The following TRIM35 variants were observed in gnomAD, a reference collection of about 807,000 sequenced individuals.
The protein encoded by TRIM35 is tripartite motif containing 35.
In TRIM35, 37 loss-of-function variants were observed where a neutral mutation model predicts 49.1. The ratio of observed to expected loss-of-function variants is 0.75; its 90% CI spans 0.58 to 0.99. The LOEUF is 0.99. Ranked by LOEUF, TRIM35 falls within the 50% of genes least tolerant of loss-of-function variation. The pLI, the probability that TRIM35 is intolerant of heterozygous loss-of-function variation, is 0.00. For synonymous variants in TRIM35, 302 were observed against 289.3 expected (o/e 1.04, Z -0.45); for missense variants, 648 against 702.7 (o/e 0.92, Z 0.88).
At position 27,287,424 on chromosome 8, in the gene TRIM35, G is replaced by T; in HGVS notation, c.*126C>A. On this transcript the variant is annotated 3_prime_UTR_variant, in exon 6 of 6. Transcript: ENST00000305364. This position sits in a 1 kb window ranked among gnomAD's most constrained non-coding sequence, Gnocchi z 6.0. The stretch of plus-strand genomic sequence containing the variant: ...GCCTGGAGTCATGGAAAAGGACCAG[G>T]CAGGACAGGAGGAAGAGCCTGGCAA... 2.0e-6 allele frequency: 2 copies of T among 1,023,986 alleles called. No individual in the cohort carries two copies. The highest frequency in any genetic ancestry group is 2.8e-6 in the Non-Finnish European group (2 of 712,612). 63.4% of individuals were successfully genotyped at this position (1,023,986 alleles called of 1,614,324 possible).
chr8:27,303,364 C>A (rs1289965586), intron 1 of TRIM35, among the ~76,000 whole-genome samples: 1 of 152,126 alleles, frequency 6.6e-6, no homozygotes, highest in East Asian at 1.9e-4. Flanking sequence ...AAATTTACTA[C>A]ACATTTTTTA....
intron 2 of TRIM35, among the ~76,000 whole-genome samples, chr8:27,297,110 T>A (rs1352234279): frequency 6.6e-6 from 1 of 152,190 alleles, no homozygotes; most frequent in East Asian, 1.9e-4. Context: ...GTGTGTCACA[T>A]AATCCTTTCT....
At chr8:27,291,108 A>G (rs993391013) in intron 3 of TRIM35, among the ~76,000 whole-genome samples, 5 of 150,166 alleles carry the variant, frequency 3.3e-5, no homozygotes, top group Non-Finnish European at 5.9e-5. Context: ...TTACTATACC[A>G]TATACAAAAA....
chr8:27,304,178 T>C (rs1802736037), intron 1 of TRIM35, among the ~76,000 whole-genome samples: 1 of 152,202 alleles, frequency 6.6e-6, no homozygotes, highest in African/African-American at 2.4e-5. Context: ...ACAATTTTCA[T>C]TAACAGGACA....
chr8:27,306,885 G>A (rs1802797621), intron 1 of TRIM35, among the ~76,000 whole-genome samples: 1 of 152,092 alleles, frequency 6.6e-6, no homozygotes, highest in African/African-American at 2.4e-5. Flanking sequence ...TAAAACTTTA[G>A]AATTAATATT....
intron 1 of TRIM35, among the ~76,000 whole-genome samples, chr8:27,305,409 A>AC (rs1016334226): frequency 3.9e-5 from 6 of 152,074 alleles, no homozygotes; most frequent in African/African-American, 1.5e-4. Context: ...CTAGTGAGAC[A>AC]CCCCCCACTC....
rs1802318117 is a variant in TRIM35, at chr8:27,286,319, C to T, written c.*1231G>A. On this transcript the variant is annotated 3_prime_UTR_variant, in exon 6 of 6. Transcript: ENST00000305364. ...AGAGCAAGCATGACCAGGCTGAAGTCAGCAGAGACAAGAGGGCAGCGAGGC... is the reference window on the plus strand; with the variant it reads ...AGAGCAAGCATGACCAGGCTGAAGTTAGCAGAGACAAGAGGGCAGCGAGGC... The T allele has an allele frequency of 7.8e-6, 3 of 384,494 alleles. No homozygotes were observed. Among genetic ancestry groups the T allele is most frequent in the Non-Finnish European group, 1.6e-5 (3 of 192,802 alleles). 23.8% of individuals were successfully genotyped at this position (384,494 alleles called of 1,614,324 possible).
intron 3 of TRIM35, among the ~76,000 whole-genome samples, chr8:27,291,847 G>A (rs553489566): frequency 2.6e-5 from 4 of 152,300 alleles, no homozygotes; most frequent in African/African-American, 9.6e-5. Flanking sequence ...ATAAGACCAA[G>A]AGCAAGAGAG....
intron 5 of TRIM35, among the ~76,000 whole-genome samples, 182 bp downstream of exon 5, chr8:27,288,980 G>A (rs1802395812): frequency 1.3e-5 from 2 of 152,334 alleles, no homozygotes; most frequent in African/African-American, 4.8e-5. Flanking sequence ...GTGTTGGGCA[G>A]AGTGGAAAAG....
chr8:27,302,015 C>T (rs985540806), intron 1 of TRIM35, among the ~76,000 whole-genome samples: 3 of 152,236 alleles, frequency 2.0e-5, no homozygotes, highest in African/African-American at 7.2e-5. Flanking sequence ...ATCTGTTTCT[C>T]TGGCCCATCT....
chr8:27,289,341 G>A, intron 4 of TRIM35, 61 bp from the exon 5 acceptor site: 1 of 1,402,260 alleles, frequency 7.1e-7, no homozygotes, highest in Non-Finnish European at 1.0e-6. Flanking sequence ...GGCCGAACTG[G>A]GCCAACTGGA....
At position 27,294,251 on chromosome 8, in the gene TRIM35, G is replaced by A. The variant is rs752363335; in HGVS notation, c.591C>T (p.Phe197=). The A allele has an allele frequency of 5.6e-6, 9 of 1,614,006 alleles. No individual in the cohort carries two copies. Among genetic ancestry groups the A allele is most frequent in the Non-Finnish European group, 7.6e-6 (9 of 1,180,050 alleles). Reference sequence around the variant, plus strand: ...GAATGGCCTGCTCCTCCACTCTCAAGAACTCGCGAAGCTTATCAAACTCCT... The same window carrying A: ...GAATGGCCTGCTCCTCCACTCTCAAAAACTCGCGAAGCTTATCAAACTCCT... The part of the protein sequence containing the change: ...IRQEFDKLRE[F]LRVEEQAILD... The change falls in exon 3 of 6, where the codon TTC becomes TTT. Residue 197 remains phenylalanine (F), a synonymous_variant. Coordinates refer to ENST00000305364, the MANE Select transcript of TRIM35 (RefSeq NM_171982.5).
At chr8:27,305,658 G>T (rs948476875) in intron 1 of TRIM35, among the ~76,000 whole-genome samples, 1 of 152,192 alleles carries the variant, frequency 6.6e-6, no homozygotes, top group Admixed American at 6.5e-5. Context: ...GAAGGGGAGA[G>T]AGGGCTGGAG....
At chr8:27,290,003 T>C (rs1802420104) in intron 4 of TRIM35, among the ~76,000 whole-genome samples, 153 bp downstream of exon 4, 1 of 152,112 alleles carries the variant, frequency 6.6e-6, no homozygotes, top group Admixed American at 6.5e-5. Flanking sequence ...ACCTGGCCAT[T>C]GTCCACCTCT....
At chr8:27,310,113 A>C (rs143019374) in intron 1 of TRIM35, among the ~76,000 whole-genome samples, 1 of 152,318 alleles carries the variant, frequency 6.6e-6, no homozygotes, top group East Asian at 1.9e-4. Flanking sequence ...CTATGGGCTA[A>C]GATTAAACGT....
intron 3 of TRIM35, among the ~76,000 whole-genome samples, chr8:27,293,661 G>A (rs1802501170): frequency 6.6e-6 from 1 of 151,916 alleles, no homozygotes; most frequent in South Asian, 2.1e-4. Context: ...GCAACATAGT[G>A]AGACCCCCCT....
chr8:27,297,937 G>A (rs769275908), intron 2 of TRIM35, among the ~76,000 whole-genome samples: 11 of 152,156 alleles, frequency 7.2e-5, no homozygotes, highest in Non-Finnish European at 1.6e-4. Flanking sequence ...GGAGGGGCAC[G>A]GCTGGTGTTT....
intron 5 of TRIM35, 22 bp from the exon 6 acceptor site, chr8:27,288,149 G>A (rs781620358): frequency 1.1e-5 from 17 of 1,585,808 alleles, no homozygotes; most frequent in South Asian, 6.7e-5. Flanking sequence ...GGCGGAAATG[G>A]GGAATCAGCA....
intron 1 of TRIM35, among the ~76,000 whole-genome samples, chr8:27,307,867 A>G (rs1480489409): frequency 2.6e-5 from 4 of 152,234 alleles, no homozygotes; most frequent in Admixed American, 6.5e-5. Context: ...CCCCGAAAAG[A>G]TGTCCCCATT....
Sources: allele counts gnomAD v4.1 joint callset (sites outside exome capture counted in the v4.1 genomes callset), GRCh38; gene constraint gnomAD v4.1.1; non-coding constraint Gnocchi (gnomAD v3.1); transcripts MANE v1.5; gene names NCBI Gene and HGNC (gene_info 2026-07-23, HGNC 2026-07-21).